The following AGBL4 variants were observed in gnomAD, a reference collection of about 807,000 sequenced individuals.
AGBL4 encodes the protein AGBL carboxypeptidase 4, also known as cytosolic carboxypeptidase 6.
Under a neutral mutation model 66.4 loss-of-function variants are expected in AGBL4, and 58 were observed. That is an observed-to-expected ratio of 0.87 (90% CI 0.71 to 1.09). The LOEUF is 1.09. AGBL4 is among the 50% of genes least tolerant of loss of function. The probability of loss-of-function intolerance (pLI) is 0.00; values close to 1 mark genes in which losing one functional copy is unlikely to be tolerated. For missense variants in AGBL4, 579 were observed against 631.0 expected (o/e 0.92, Z 0.88); for synonymous variants, 234 against 222.9 (o/e 1.05, Z -0.44).
chr1:49,620,355 CAT>C (rs1267574169), intron 3 of AGBL4, among the ~76,000 whole-genome samples: 1 of 151,908 alleles, frequency 6.6e-6, no homozygotes, highest in Non-Finnish European at 1.5e-5. Flanking sequence ...GGCCAACAAA[CAT>C]ATGAAAAAAA....
intron 3 of AGBL4, among the ~76,000 whole-genome samples, chr1:49,656,686 G>A (rs1202889909): frequency 2.6e-5 from 4 of 152,194 alleles, no homozygotes; most frequent in African/African-American, 9.6e-5. Context: ...TCCCTGGGAT[G>A]CAAGGCTGGT....
At chr1:49,482,690 G>C (rs1351479692) in intron 3 of AGBL4, among the ~76,000 whole-genome samples, 2 of 151,520 alleles carry the variant, frequency 1.3e-5, no homozygotes, top group African/African-American at 4.8e-5. Context: ...TTTGCCATTG[G>C]TTCTCTAGTT....
chr1:49,609,710 G>A (rs955152616), intron 3 of AGBL4, among the ~76,000 whole-genome samples: 2 of 152,056 alleles, frequency 1.3e-5, no homozygotes, highest in Non-Finnish European at 2.9e-5. Context: ...CAGGTAATAA[G>A]CATAGTACCC....
intron 3 of AGBL4, among the ~76,000 whole-genome samples, chr1:49,282,658 G>A (rs992642568): frequency 3.9e-5 from 6 of 152,176 alleles, no homozygotes; most frequent in Non-Finnish European, 8.8e-5. Context: ...AGGTCAGTAG[G>A]TGCTCGCACC....
intron 4 of AGBL4, among the ~76,000 whole-genome samples, chr1:49,215,814 T>C (rs1307539196): frequency 4.6e-5 from 7 of 152,090 alleles, no homozygotes; most frequent in African/African-American, 1.7e-4. Flanking sequence ...TCATTATCCT[T>C]CCTTCTCCCT....
chr1:49,124,754 G>T (rs1645731852), intron 4 of AGBL4, among the ~76,000 whole-genome samples: 1 of 152,222 alleles, frequency 6.6e-6, no homozygotes, highest in African/African-American at 2.4e-5. Flanking sequence ...GAAACCAGGA[G>T]AGCTGACTGC....
intron 3 of AGBL4, among the ~76,000 whole-genome samples, chr1:49,524,815 C>T (rs1276211640): frequency 6.6e-6 from 1 of 151,964 alleles, no homozygotes; most frequent in East Asian, 1.9e-4. Context: ...TACCTTATAA[C>T]CACTGATATC....
chr1:49,857,501 AAC>A (rs1646464805), intron 1 of AGBL4, among the ~76,000 whole-genome samples: 2 of 152,178 alleles, frequency 1.3e-5, no homozygotes, highest in Non-Finnish European at 2.9e-5. Flanking sequence ...TAGTCAAAAT[AAC>A]ACAGTGTTAG....
At chr1:48,741,301 C>T (rs1349617835) in intron 6 of AGBL4, among the ~76,000 whole-genome samples, 1 of 152,204 alleles carries the variant, frequency 6.6e-6, no homozygotes, top group Non-Finnish European at 1.5e-5. Context: ...TCAATCCAAT[C>T]CCATCTTTCA....
Position 49,815,918 on chromosome 1 carries a change from T to A in AGBL4, c.157+35478A>T, listed in dbSNP as rs74342557. Among the ~76,000 whole-genome samples, 936 of 151,734 alleles carry A rather than the reference T, an allele frequency of 6.2e-3. 9 individuals carry two copies. The highest frequency in any genetic ancestry group is 0.021 in the African/African-American group (870 of 41,324). On this transcript the variant is annotated intron_variant, in intron 2 of 13. Transcript: ENST00000371839. ...TACCATCTTTTTTTTCAGTGGGAGG[T>A]CTTACTCTGTTGCCCAGGATGGATT...
chr1:49,313,274 T>C (rs1349779528), intron 3 of AGBL4, among the ~76,000 whole-genome samples: 1 of 152,178 alleles, frequency 6.6e-6, no homozygotes, highest in African/African-American at 2.4e-5. Flanking sequence ...CAGTCTATCA[T>C]TGATGAACAT....
intron 1 of AGBL4, among the ~76,000 whole-genome samples, chr1:49,900,244 T>C (rs1649638775): frequency 6.6e-6 from 1 of 151,892 alleles, no homozygotes; most frequent in Admixed American, 6.6e-5. Context: ...TTTTAATTAA[T>C]TTTATTTTTT....
chr1:49,712,022 T>C (rs1296441432), intron 2 of AGBL4, among the ~76,000 whole-genome samples: 1 of 151,986 alleles, frequency 6.6e-6, no homozygotes. Context: ...TTCACAGGGT[T>C]ATTGTGAGTA....
intron 3 of AGBL4, among the ~76,000 whole-genome samples, chr1:49,427,391 A>C (rs1645686112): frequency 6.6e-6 from 1 of 151,760 alleles, no homozygotes; most frequent in Admixed American, 6.6e-5. Flanking sequence ...AAACCTTCAG[A>C]AGGGTAAAGC....
intron 3 of AGBL4, among the ~76,000 whole-genome samples, chr1:49,503,617 C>T (rs1241931642): frequency 6.6e-6 from 1 of 152,172 alleles, no homozygotes; most frequent in Non-Finnish European, 1.5e-5. Context: ...TGTGGGAGCC[C>T]ACCTCTTGAA....
chr1:48,820,319 C>A (rs1646282925), intron 6 of AGBL4, among the ~76,000 whole-genome samples: 1 of 152,102 alleles, frequency 6.6e-6, no homozygotes, highest in Non-Finnish European at 1.5e-5. Context: ...CATCATCACT[C>A]CTTGTGATGG....
chr1:48,589,568 C>T (rs938642295), intron 10 of AGBL4, among the ~76,000 whole-genome samples: 3 of 152,210 alleles, frequency 2.0e-5, no homozygotes, highest in African/African-American at 7.2e-5. Flanking sequence ...CTCTTCCTGC[C>T]CTTTTCCAAT....
intron 3 of AGBL4, among the ~76,000 whole-genome samples, chr1:49,365,617 A>C (rs1440898619): frequency 6.6e-6 from 1 of 151,868 alleles, no homozygotes; most frequent in African/African-American, 2.4e-5. Context: ...GTGAAACAGA[A>C]GTATTAACTC....
chr1:49,297,941 A>G (rs1165712946), intron 3 of AGBL4, among the ~76,000 whole-genome samples: 1 of 152,188 alleles, frequency 6.6e-6, no homozygotes. Context: ...CACACATGGC[A>G]CAGGCATATG....
Sources: allele counts gnomAD v4.1 joint callset (sites outside exome capture counted in the v4.1 genomes callset), GRCh38; gene constraint gnomAD v4.1.1; transcripts MANE v1.5; gene names NCBI Gene and HGNC (gene_info 2026-07-23, HGNC 2026-07-21).